Variants in PARD3B observed in about 807,000 individuals in gnomAD.
The protein encoded by PARD3B is partitioning defective 3 homolog B.
PARD3B carries 103 observed loss-of-function variants against 130.2 expected under a neutral mutation model. The ratio of observed to expected loss-of-function variants is 0.79; its 90% confidence interval spans 0.67 to 0.93. The LOEUF is 0.93. Among genes scored for constraint, PARD3B ranks in the 40% least tolerant of loss-of-function variants. PARD3B has a pLI of 0.00. For synonymous variants in PARD3B, 583 were observed against 553.2 expected, an observed-to-expected ratio of 1.05 and a Z score of -0.76; for missense variants, 1,609 against 1,499.2, an observed-to-expected ratio of 1.07 and a Z score of -1.21.
At chr2:204,941,831 T>C (rs1688928107) in intron 2 of PARD3B, among the ~76,000 whole-genome samples, 1 of 129,458 alleles carries the variant, frequency 7.7e-6, no homozygotes, top group African/African-American at 2.9e-5. Flanking sequence ...TGCAACATTC[T>C]GAGTGTGTGT....
Position 204,981,931 on chromosome 2 carries a change from T to A in PARD3B, c.394+16608T>A, listed in dbSNP as rs116813888. On this transcript the variant is annotated intron_variant, in intron 3 of 22. Coordinates refer to ENST00000406610, the MANE Select transcript of PARD3B (RefSeq NM_001302769.2). ...ATTCTTCATCTTTTTTAGCAGGGAG[T>A]CTATCAATGCTATTTAAAGTTCAAA... Among the ~76,000 whole-genome samples, 332 of 151,792 alleles carry A rather than the reference T, an allele frequency of 2.2e-3. 3 individuals carry two copies. The highest frequency in any genetic ancestry group is 7.6e-3 in the African/African-American group (316 of 41,362).
Position 204,976,603 on chromosome 2 carries a change from A to ATT in PARD3B, c.394+11301_394+11302dup, listed in dbSNP as rs35902126. 1.2e-4 allele frequency among the ~76,000 whole-genome samples: 10 copies of ATT among 83,210 alleles called. No homozygotes were observed. The South Asian group carries it at 2.0e-3, about 17-fold the overall frequency. 54.6% of individuals were successfully genotyped at this position (83,210 alleles called of 152,430 possible). A position where few individuals can be genotyped will look rare whatever the true frequency, so the allele number is the denominator to read the frequency against. ...AAAACTCCATGTATTTAGGTAATTG[A>ATT]TTTTTTTTTTTTTTTTTTTTTTGAG... On this transcript the variant is annotated intron_variant, in intron 3 of 22. Coordinates refer to ENST00000406610, the MANE Select transcript of PARD3B (RefSeq NM_001302769.2).
intron 1 of PARD3B, among the ~76,000 whole-genome samples, chr2:204,654,194 G>A (rs1048726501): frequency 3.3e-5 from 5 of 151,206 alleles, no homozygotes; most frequent in Admixed American, 3.3e-4. Flanking sequence ...AACTTATGGT[G>A]AGTGTGCCTG....
At chr2:204,732,290 A>C (rs1004272331) in intron 2 of PARD3B, among the ~76,000 whole-genome samples, 2 of 152,156 alleles carry the variant, frequency 1.3e-5, no homozygotes, top group Admixed American at 1.3e-4. Context: ...AAAGTCAGCA[A>C]GAAGATTGGA....
chr2:205,391,251 G>A (rs1359948390), intron 18 of PARD3B, among the ~76,000 whole-genome samples: 5 of 152,366 alleles, frequency 3.3e-5, no homozygotes, highest in African/African-American at 1.2e-4. Context: ...GGAAGAAGGG[G>A]ATGTTGTGGG....
chr2:204,965,123 G>A (rs1210965399), intron 2 of PARD3B, 29 bp from the exon 3 acceptor site: 1 of 1,605,454 alleles, frequency 6.2e-7, no homozygotes, highest in African/African-American at 1.3e-5. Context: ...GTCCTACAAA[G>A]TAATTAGTGT....
chr2:205,226,183 A>C (rs935307930), intron 15 of PARD3B, among the ~76,000 whole-genome samples: 2 of 152,280 alleles, frequency 1.3e-5, no homozygotes, highest in African/African-American at 4.8e-5. Context: ...CTGGGACTAC[A>C]GGTGCCTGCC....
intron 18 of PARD3B, among the ~76,000 whole-genome samples, chr2:205,359,971 A>C (rs917759336): frequency 6.6e-6 from 1 of 152,154 alleles, no homozygotes; most frequent in African/African-American, 2.4e-5. Context: ...ATTTTCTTTA[A>C]TCTTTCCCGC....
At chr2:204,716,767 C>T (rs926242517) in intron 2 of PARD3B, among the ~76,000 whole-genome samples, 35 of 151,838 alleles carry the variant, frequency 2.3e-4, no homozygotes, top group African/African-American at 5.3e-4. Context: ...GGACCACAGG[C>T]GCCCGCCACC....
intron 21 of PARD3B, among the ~76,000 whole-genome samples, chr2:205,513,666 C>T (rs2106376770): frequency 6.6e-6 from 1 of 152,172 alleles, no homozygotes; most frequent in East Asian, 1.9e-4. Flanking sequence ...GTTCCTTAGT[C>T]ATGCATTCAT....
rs1191430238 is a variant in PARD3B at position 205,300,517 on chromosome 2, C to G, written c.2186-13C>G. 5.0e-6 allele frequency: 8 copies of G among 1,608,644 alleles called. No individual in the cohort carries two copies. Among genetic ancestry groups the G allele is most frequent in the Non-Finnish European group, 6.8e-6 (8 of 1,176,006 alleles). On this transcript the variant is annotated splice_polypyrimidine_tract_variant and intron_variant, in intron 16 of 22. Coordinates refer to ENST00000406610, the MANE Select transcript of PARD3B (RefSeq NM_001302769.2). This position sits in a 1 kb window ranked among gnomAD's most constrained non-coding sequence, Gnocchi z 4.1. ...ATTAGAAGAGGGGTGACCTTTTGCC[C>G]TTTCTTTTCCAGAATCTCCAAGCAA...
rs1234909583 is a variant in PARD3B at position 205,269,354 on chromosome 2, A to G, written c.2185+23532A>G. On this transcript the variant is annotated intron_variant, in intron 16 of 22. Coordinates refer to ENST00000406610, the MANE Select transcript of PARD3B (RefSeq NM_001302769.2). This position sits in a 1 kb window ranked among gnomAD's most constrained non-coding sequence, Gnocchi z 4.7. ...TAGACTTATTTCAAACTGTTTCCCA[A>G]TTTCAATTTATTCATCCTTTTTACT... Among the ~76,000 whole-genome samples the G allele has an allele frequency of 3.3e-5, 5 of 152,174 alleles. No homozygotes were observed. Among genetic ancestry groups the G allele is most frequent in the Admixed American group, 1.3e-4 (2 of 15,266 alleles).
In PARD3B at chr2:205,393,035, A is replaced by G. The variant is rs72946029; in HGVS notation, c.2631-7978A>G. The stretch of plus-strand genomic sequence containing the variant: ...TCAGTCTCATTAACTCTCAAGTACA[A>G]TGGAACCATGTGAGATAAACAAGAA... On this transcript the variant is annotated intron_variant, in intron 18 of 22. Coordinates refer to ENST00000406610, the MANE Select transcript of PARD3B (RefSeq NM_001302769.2). Among the ~76,000 whole-genome samples, 762 of 152,300 alleles carry G rather than the reference A, an allele frequency of 5.0e-3. 3 individuals carry two copies. Among genetic ancestry groups the G allele is most frequent in the South Asian group, 0.013 (64 of 4,826 alleles).
intron 2 of PARD3B, among the ~76,000 whole-genome samples, chr2:204,698,755 T>C (rs76148633): frequency 0.015 from 2,286 of 152,164 alleles, 48 homozygotes; most frequent in African/African-American, 0.052. Context: ...ATGCGTGGTC[T>C]TACAGAGTAA....
intron 4 of PARD3B, among the ~76,000 whole-genome samples, chr2:205,058,965 T>A (rs1266423983): frequency 3.4e-5 from 5 of 146,576 alleles, no homozygotes; most frequent in South Asian, 4.4e-4. Flanking sequence ...TTTTTTTTTT[T>A]AACTGTGCTT....
chr2:204,658,267 G>A (rs777076618), intron 1 of PARD3B, among the ~76,000 whole-genome samples: 5 of 152,150 alleles, frequency 3.3e-5, no homozygotes, highest in Non-Finnish European at 7.4e-5. Flanking sequence ...CAGGTGGAGT[G>A]AGTTGCTTTA....
rs183108588 is a variant in PARD3B, at chr2:204,765,794, C to T, written c.222+79512C>T. On this transcript the variant is annotated intron_variant, in intron 2 of 22. Coordinates refer to ENST00000406610, the MANE Select transcript of PARD3B (RefSeq NM_001302769.2). Reference sequence around the variant, plus strand: ...CCTGAATCTTCCTAGCACCTGTGGGCCTTGCCTTAGAAGATGCCTGACAAG... The same window carrying T: ...CCTGAATCTTCCTAGCACCTGTGGGTCTTGCCTTAGAAGATGCCTGACAAG... 2.0e-3 allele frequency among the ~76,000 whole-genome samples: 298 copies of T among 152,250 alleles called. 1 individual carries two copies. The highest frequency in any genetic ancestry group is 3.8e-3 in the Non-Finnish European group (257 of 68,010).
Position 204,837,995 on chromosome 2 carries a change from A to G in PARD3B, c.223-127157A>G, listed in dbSNP as rs549459659. ...AAGCATTGGGGCTACCAAGATGACA[A>G]TGATAACATCAAGGAGCTCACAGTA... On this transcript the variant is annotated intron_variant, in intron 2 of 22. Transcript: ENST00000406610. Among the ~76,000 whole-genome samples the G allele has an allele frequency of 8.7e-5, 13 of 150,106 alleles. No individual in the cohort carries two copies. In the South Asian group the frequency reaches 2.7e-3, roughly 31 times the overall value.
In PARD3B at chr2:204,854,752, G is replaced by T. The variant is rs149156056; in HGVS notation, c.223-110400G>T. Among the ~76,000 whole-genome samples, 511 of 152,232 alleles carry T rather than the reference G, an allele frequency of 3.4e-3. 9 individuals are homozygous for T. The Middle Eastern group carries it at 0.037, about 11-fold the overall frequency. On this transcript the variant is annotated intron_variant, in intron 2 of 22. Transcript: ENST00000406610. The stretch of plus-strand genomic sequence containing the variant: ...AAATATTAGCAAAATATGAATATTA[G>T]TCTCATCATAAAGGTATGTACACTT...
Sources: allele counts gnomAD v4.1 joint callset (sites outside exome capture counted in the v4.1 genomes callset), GRCh38; gene constraint gnomAD v4.1.1; non-coding constraint Gnocchi (gnomAD v3.1); transcripts MANE v1.5; gene names NCBI Gene and HGNC (gene_info 2026-07-23, HGNC 2026-07-21).